The following TAF4 variants were observed in gnomAD, a reference collection of about 807,000 sequenced individuals.
TAF4 encodes TATA-box binding protein associated factor 4, also known as transcription initiation factor TFIID subunit 4.
In TAF4, 9 loss-of-function variants were observed where a neutral mutation model predicts 90.3. The ratio of observed to expected loss-of-function variants is 0.10; its 90% confidence interval spans 0.06 to 0.17. The LOEUF is 0.17. TAF4 is among the 10% of genes least tolerant of loss of function. The pLI is 1.00. For missense variants in TAF4, 1,351 were observed against 1,370.7 expected, an observed-to-expected ratio of 0.99 and a Z score of 0.23; for synonymous variants, 818 against 638.9, an observed-to-expected ratio of 1.28 and a Z score of -4.23.
Position 62,010,200 on chromosome 20 carries a change from TC to T in TAF4, c.1642-36del. The stretch of plus-strand genomic sequence containing the variant: ...TCCAAAAACACAAGGTAAGGGCATC[TC>T]ACGCCACCAGCTGACGAGGGGGAGA... On this transcript the variant is annotated intron_variant, in intron 3 of 14. Coordinates refer to ENST00000252996, the MANE Select transcript of TAF4 (RefSeq NM_003185.4). This position sits in a 1 kb window ranked among gnomAD's most constrained non-coding sequence, Gnocchi z 4.5. The T allele has an allele frequency of 6.2e-7, 1 of 1,612,662 alleles. No individual in the cohort carries two copies. The highest frequency in any genetic ancestry group is 1.1e-5 in the South Asian group (1 of 91,042).
At chr20:62,027,692 G>C (rs1228008937) in intron 1 of TAF4, among the ~76,000 whole-genome samples, 4 of 152,132 alleles carry the variant, frequency 2.6e-5, no homozygotes, top group Non-Finnish European at 5.9e-5. Context: ...TTAATTTTCT[G>C]CATTGGATTC....
At chr20:62,021,785 T>C (rs1039841498) in intron 1 of TAF4, among the ~76,000 whole-genome samples, 2 of 152,024 alleles carry the variant, frequency 1.3e-5, no homozygotes, top group African/African-American at 4.8e-5. Flanking sequence ...ATTAAAGTTC[T>C]ATACTTTTTT....
chr20:62,056,387 A>G (rs1006426566), intron 1 of TAF4, among the ~76,000 whole-genome samples: 2 of 152,270 alleles, frequency 1.3e-5, no homozygotes, highest in Non-Finnish European at 2.9e-5. Context: ...AATGGTATCC[A>G]TTCCCAAAAG....
intron 1 of TAF4, among the ~76,000 whole-genome samples, chr20:62,052,080 A>G (rs1048157584): frequency 2.6e-5 from 4 of 152,156 alleles, no homozygotes; most frequent in African/African-American, 7.2e-5. Context: ...GACTCCCTGC[A>G]TCCCCGCAGC....
chr20:62,064,890 G>C lies in TAF4; in HGVS notation c.921C>G (p.Gly307=). Residue 307 remains glycine (G), a synonymous_variant, in exon 1 of 15, where the codon GGC becomes GGG. Transcript: ENST00000252996. ...VPPPAAAQNG[G]SAGAAPAPAP... is the part of the protein sequence containing the mutation. ...CGGGGGCGGGGGCTGCCCCGGCGCT[G>C]CCCCCGTTCTGGGCGGCGGCGGGGG... The C allele has an allele frequency of 1.1e-6, 1 of 871,864 alleles. No homozygotes were observed. The highest frequency in any genetic ancestry group is 1.4e-6 in the Non-Finnish European group (1 of 732,540). The allele number at this position is 871,864 out of a possible 1,614,324, so 54.0% of individuals were successfully genotyped here. A position where few individuals can be genotyped will look rare whatever the true frequency, so the allele number is the denominator to read the frequency against.
At chr20:61,984,755 C>T (rs1193746060) in intron 14 of TAF4, among the ~76,000 whole-genome samples, 4 of 150,002 alleles carry the variant, frequency 2.7e-5, no homozygotes, top group South Asian at 2.2e-4. Flanking sequence ...CTGCAGAGAG[C>T]GAGAGACTGT....
chr20:62,064,682 G>A lies in TAF4; in HGVS notation c.1129C>T (p.Pro377Ser), dbSNP rs1373198670. 1 of 1,267,182 alleles carries A rather than the reference G, an allele frequency of 7.9e-7. No individual in the cohort carries two copies. The highest frequency in any genetic ancestry group is 9.9e-7 in the Non-Finnish European group (1 of 1,011,406). The allele number at this position is 1,267,182 out of a possible 1,614,324, so 78.5% of individuals were successfully genotyped here. A position where few individuals can be genotyped will look rare whatever the true frequency, so the allele number is the denominator to read the frequency against. ...ASTAASMVIG[P>S]TMQGALPSPA... ...CTGGGCAGCGCCCCTTGCATAGTTG[G>A]CCCGATGACCATGCTGGCCGCCGTG... is the stretch of plus-strand genomic sequence containing the variant. Residue 377 changes from proline (P) to serine (S), a missense_variant, in exon 1 of 15, where the codon CCA becomes TCA. Physicochemically the swap from Pro to Ser is moderately conservative, Grantham distance 74. Around this residue, in one of 9 missense-constraint regions of TAF4, gnomAD observed 782 missense variants for 536.6 expected, o/e 1.46. Transcript: ENST00000252996.
At chr20:62,007,843 G>A (rs925593364) in intron 5 of TAF4, 7 of 490,144 alleles carry the variant, frequency 1.4e-5, no homozygotes, top group Admixed American at 4.0e-5. Context: ...AGCCAGCTGC[G>A]GACCACGTCT....
chr20:61,990,471 T>C (rs968896175), intron 14 of TAF4, among the ~76,000 whole-genome samples: 2 of 151,984 alleles, frequency 1.3e-5, no homozygotes, highest in African/African-American at 4.8e-5. Context: ...CGGACAATCT[T>C]TAGAACAAAA....
chr20:61,996,291 A>G (rs2055662361), intron 14 of TAF4, among the ~76,000 whole-genome samples: 1 of 152,086 alleles, frequency 6.6e-6, no homozygotes, highest in Admixed American at 6.6e-5. Flanking sequence ...CTGAGGCAGG[A>G]GGATCACCTG....
At chr20:62,046,069 C>A (rs1479463134) in intron 1 of TAF4, among the ~76,000 whole-genome samples, 1 of 152,192 alleles carries the variant, frequency 6.6e-6, no homozygotes, top group Non-Finnish European at 1.5e-5. Context: ...CTCTGCGGTG[C>A]CCCCGTGCAG....
chr20:62,016,314 G>A (rs901539164), intron 1 of TAF4, among the ~76,000 whole-genome samples: 2 of 152,390 alleles, frequency 1.3e-5, no homozygotes, highest in Non-Finnish European at 1.5e-5. Context: ...GTTTGTGAGG[G>A]TGTTGCCAAA....
chr20:62,041,600 G>C (rs970969531), intron 1 of TAF4, among the ~76,000 whole-genome samples: 1 of 151,986 alleles, frequency 6.6e-6, no homozygotes, highest in African/African-American at 2.4e-5. Flanking sequence ...CTGCACTCCA[G>C]CCTGGGCAAC....
At chr20:62,064,290 G>A (rs1233397904) in intron 1 of TAF4, 161 bp downstream of exon 1, 6 of 803,752 alleles carry the variant, frequency 7.5e-6, no homozygotes, top group Admixed American at 4.3e-5. Context: ...ACAGCCACCC[G>A]GGCTGGCCCC....
chr20:61,988,485 ACT>A (rs1156456046), intron 14 of TAF4, among the ~76,000 whole-genome samples: 2 of 152,140 alleles, frequency 1.3e-5, no homozygotes, highest in Admixed American at 6.5e-5. Flanking sequence ...GTAGATGGAA[ACT>A]CTCTGTACTA....
At chr20:62,000,993 G>A (rs554173880) in intron 9 of TAF4, among the ~76,000 whole-genome samples, 8 of 152,256 alleles carry the variant, frequency 5.3e-5, no homozygotes, top group Non-Finnish European at 1.0e-4. Context: ...CAAGTCCAGA[G>A]AAAGCAAAGC....
intron 14 of TAF4, among the ~76,000 whole-genome samples, chr20:61,978,527 A>C (rs2055511163): frequency 6.6e-6 from 1 of 151,454 alleles, no homozygotes; most frequent in Non-Finnish European, 1.5e-5. Flanking sequence ...GCGCGAGACC[A>C]ACCAAGGCCG....
rs568219514 is a variant in TAF4 at position 62,014,430 on chromosome 20, C to G, written c.1521+117G>C. Reference sequence around the variant, plus strand: ...ACGGATGGGACTGGGACGCCGCCCACACTTCCCAGTCCTCACTCCCATGGC... The same window carrying G: ...ACGGATGGGACTGGGACGCCGCCCAGACTTCCCAGTCCTCACTCCCATGGC... On this transcript the variant is annotated intron_variant, in intron 2 of 14. Transcript: ENST00000252996. The G allele has an allele frequency of 2.3e-6, 3 of 1,325,272 alleles. No individual in the cohort carries two copies. In the South Asian group the frequency reaches 5.1e-5, roughly 22 times the overall value. 82.1% of individuals were successfully genotyped at this position (1,325,272 alleles called of 1,614,324 possible).
intron 14 of TAF4, among the ~76,000 whole-genome samples, chr20:61,984,654 C>T (rs1007433203): frequency 7.6e-6 from 1 of 131,136 alleles, no homozygotes; most frequent in East Asian, 2.4e-4. Flanking sequence ...TGCAGTGACA[C>T]GAGGGCAGTG....
Sources: allele counts gnomAD v4.1 joint callset (sites outside exome capture counted in the v4.1 genomes callset), GRCh38; gene constraint gnomAD v4.1.1; regional missense constraint gnomAD v4.1.1; non-coding constraint Gnocchi (gnomAD v3.1); transcripts MANE v1.5; gene names NCBI Gene and HGNC (gene_info 2026-07-23, HGNC 2026-07-21).